The following WIPF2 variants were observed in gnomAD, a reference collection of about 807,000 sequenced individuals.
WIPF2 encodes WAS/WASL-interacting protein family member 2.
WIPF2 carries 23 observed loss-of-function variants against 38.8 expected under a neutral mutation model. That is an observed-to-expected ratio of 0.59 (90% confidence interval 0.43 to 0.84). The LOEUF (loss-of-function observed/expected upper bound fraction) is 0.84. WIPF2 is among the 40% of genes least tolerant of loss of function. The pLI is 0.00. For synonymous variants in WIPF2, 210 were observed against 223.2 expected (o/e 0.94, Z 0.53); for missense variants, 574 against 580.5 (o/e 0.99, Z 0.11).
At chr17:40,260,944 G>C in intron 3 of WIPF2, 1 of 411,064 alleles carries the variant, frequency 2.4e-6, no homozygotes, top group South Asian at 2.1e-5. Flanking sequence ...CATGAGCCTA[G>C]AAGTTCAAGG....
intron 7 of WIPF2, among the ~76,000 whole-genome samples, chr17:40,277,830 G>T (rs889075193): frequency 1.3e-5 from 2 of 148,508 alleles, no homozygotes; most frequent in Non-Finnish European, 3.0e-5. Context: ...AGGTTCAAGT[G>T]ATTCTCCTGC....
intron 1 of WIPF2, among the ~76,000 whole-genome samples, chr17:40,245,029 C>A (rs972559890): frequency 2.6e-5 from 4 of 152,114 alleles, no homozygotes; most frequent in African/African-American, 9.7e-5. Context: ...AGCTGTAGTC[C>A]CAGCTACTGG....
intron 1 of WIPF2, among the ~76,000 whole-genome samples, chr17:40,242,325 C>T (rs976425709): frequency 6.6e-6 from 1 of 152,068 alleles, no homozygotes; most frequent in Non-Finnish European, 1.5e-5. Context: ...TGTGATTGTG[C>T]CACTTGCACT....
chr17:40,277,028 G>A (rs1030872094), intron 6 of WIPF2, 55 bp from the exon 7 acceptor site: 90 of 1,466,006 alleles, frequency 6.1e-5, no homozygotes, highest in Middle Eastern at 5.3e-4. Context: ...GCGATCAGAG[G>A]CCTGTGGGAG....
chr17:40,244,124 C>T (rs2031282001), intron 1 of WIPF2, among the ~76,000 whole-genome samples: 1 of 152,112 alleles, frequency 6.6e-6, no homozygotes, highest in African/African-American at 2.4e-5. Context: ...ATGTGTGTAA[C>T]ATGAATGTTA....
chr17:40,269,123 A>G (rs530282994), intron 5 of WIPF2, among the ~76,000 whole-genome samples: 89 of 152,280 alleles, frequency 5.8e-4, no homozygotes, highest in African/African-American at 2.0e-3. Flanking sequence ...GTTCAAGACC[A>G]GCCTGGCCAA....
At chr17:40,243,952 T>C (rs1486577334) in intron 1 of WIPF2, among the ~76,000 whole-genome samples, 1 of 152,242 alleles carries the variant, frequency 6.6e-6, no homozygotes, top group Admixed American at 6.5e-5. Context: ...TTCCCTTAAG[T>C]AACCTTGGAA....
At chr17:40,275,794 T>G (rs982541822) in intron 6 of WIPF2, among the ~76,000 whole-genome samples, 1 of 152,140 alleles carries the variant, frequency 6.6e-6, no homozygotes, top group Non-Finnish European at 1.5e-5. Flanking sequence ...CTCAAACTCC[T>G]GGGCTCAAGC....
intron 3 of WIPF2, among the ~76,000 whole-genome samples, chr17:40,261,033 G>C (rs1367135082): frequency 1.0e-5 from 1 of 96,020 alleles, no homozygotes; most frequent in Non-Finnish European, 2.1e-5. Flanking sequence ...CTCTCAAAAA[G>C]GTAAAAAAAA....
At chr17:40,226,173 A>G (rs1385394213) in intron 1 of WIPF2, among the ~76,000 whole-genome samples, 3 of 148,660 alleles carry the variant, frequency 2.0e-5, no homozygotes, top group African/African-American at 5.0e-5. Context: ...ATATGTATTC[A>G]GATTGGGATA....
intron 1 of WIPF2, among the ~76,000 whole-genome samples, chr17:40,232,016 T>A (rs1331900669): frequency 1.0e-5 from 1 of 100,418 alleles, no homozygotes; most frequent in Non-Finnish European, 2.1e-5. Flanking sequence ...TTGATTTTAC[T>A]TTTTTTTTTT....
chr17:40,277,050 A>C, intron 6 of WIPF2, 33 bp from the exon 7 acceptor site: 1 of 1,568,834 alleles, frequency 6.4e-7, no homozygotes, highest in Admixed American at 1.7e-5. Flanking sequence ...ACAAGCAAGG[A>C]TGATAGGAAT....
At chr17:40,265,198 CT>C in intron 5 of WIPF2, 52 bp downstream of exon 5, 2 of 1,530,394 alleles carry the variant, frequency 1.3e-6, no homozygotes, top group Non-Finnish European at 1.8e-6. Context: ...TTGATTTTAT[CT>C]TTCCCCAGAG....
At chr17:40,251,233 C>T (rs1412141176) in intron 1 of WIPF2, among the ~76,000 whole-genome samples, 3 of 152,030 alleles carry the variant, frequency 2.0e-5, no homozygotes, top group Non-Finnish European at 4.4e-5. Flanking sequence ...CTTAGTATTG[C>T]AATAGACAGT....
chr17:40,260,491 A>C, intron 2 of WIPF2, 44 bp from the exon 3 acceptor site: 1 of 1,604,532 alleles, frequency 6.2e-7, no homozygotes, highest in South Asian at 1.1e-5. Context: ...CCGGCCGATA[A>C]AGGGAACTCT....
At position 40,279,172 on chromosome 17, in the gene WIPF2, CT is replaced by C. The variant is rs1371444897; in HGVS notation, c.*951del. 1 of 152,296 alleles carries C rather than the reference CT, an allele frequency of 6.6e-6. No individual in the cohort carries two copies. The highest frequency in any genetic ancestry group is 1.5e-5 in the Non-Finnish European group (1 of 68,094). 9.4% of individuals were successfully genotyped at this position (152,296 alleles called of 1,614,324 possible). A position where few individuals can be genotyped will look rare whatever the true frequency, so the allele number is the denominator to read the frequency against. On this transcript the variant is annotated 3_prime_UTR_variant, in exon 8 of 8. Coordinates refer to ENST00000323571, the MANE Select transcript of WIPF2 (RefSeq NM_133264.5). ...ACCTCAATCTTGTGTCTGCCTCAGT[CT>C]TTTCTGACTGGCCCTGAAGTTGTCA...
intron 1 of WIPF2, among the ~76,000 whole-genome samples, chr17:40,243,364 C>T (rs1022743671): frequency 6.6e-6 from 1 of 152,062 alleles, no homozygotes; most frequent in African/African-American, 2.4e-5. Flanking sequence ...GTGGGGAAAG[C>T]TGCGTTTTGG....
intron 5 of WIPF2, among the ~76,000 whole-genome samples, chr17:40,273,424 A>G (rs1955790106): frequency 6.6e-6 from 1 of 152,222 alleles, no homozygotes; most frequent in Admixed American, 6.5e-5. Flanking sequence ...GGTGTTATGC[A>G]AAATGAATTT....
intron 5 of WIPF2, among the ~76,000 whole-genome samples, chr17:40,271,627 G>A (rs1223299457): frequency 6.6e-6 from 1 of 152,200 alleles, no homozygotes; most frequent in Non-Finnish European, 1.5e-5. Flanking sequence ...AGCAGTGTGG[G>A]AGAGTAGAAA....
Sources: gnomAD v4.1 joint callset for allele counts (sites outside exome capture counted in the v4.1 genomes callset) on GRCh38, gnomAD v4.1.1 for gene constraint, MANE v1.5 for transcripts, NCBI Gene and HGNC (gene_info 2026-07-23, HGNC 2026-07-21) for gene names.